The following CSGALNACT1 variants were observed in gnomAD, a reference collection of about 807,000 sequenced individuals.
CSGALNACT1 encodes the protein beta4GalNAcT-1.
A neutral mutation model predicts 51.0 loss-of-function variants in CSGALNACT1; 52 were observed. That is an observed-to-expected ratio of 1.02 (90% confidence interval 0.82 to 1.29). The LOEUF is 1.29. CSGALNACT1 is among the 50% of genes most tolerant of loss of function. The pLI is 0.00. For synonymous variants in CSGALNACT1, 341 were observed against 254.4 expected (o/e 1.34, Z -3.24); for missense variants, 935 against 679.2 (o/e 1.38, Z -4.19).
chr8:19,620,067 C>G (rs2053615101), intron 1 of CSGALNACT1, among the ~76,000 whole-genome samples: 1 of 152,132 alleles, frequency 6.6e-6, no homozygotes, highest in Admixed American at 6.5e-5. Flanking sequence ...AATCCCAACA[C>G]TTTGGAAGGC....
chr8:19,509,586 C>T (rs1324750358), intron 3 of CSGALNACT1, among the ~76,000 whole-genome samples: 1 of 135,216 alleles, frequency 7.4e-6, no homozygotes, highest in Non-Finnish European at 1.5e-5. Context: ...TGCACCACTG[C>T]ACTCCAGCCT....
intron 3 of CSGALNACT1, among the ~76,000 whole-genome samples, chr8:19,519,231 C>T (rs2154027801): frequency 6.6e-6 from 1 of 152,282 alleles, no homozygotes. Flanking sequence ...ATCCTTGGAC[C>T]TTCTCCATCA....
intron 1 of CSGALNACT1, among the ~76,000 whole-genome samples, chr8:19,658,454 C>G: frequency 6.6e-6 from 1 of 152,298 alleles, no homozygotes; most frequent in South Asian, 2.1e-4. Flanking sequence ...AAACAAGAGG[C>G]CGGGCATGGT....
At chr8:19,620,982 A>G (rs559344286) in intron 1 of CSGALNACT1, among the ~76,000 whole-genome samples, 5 of 152,208 alleles carry the variant, frequency 3.3e-5, no homozygotes, top group African/African-American at 4.8e-5. Context: ...CTGAAAAAAT[A>G]GAAACTTAAC....
At chr8:19,408,441 T>A (rs1468625441) in intron 9 of CSGALNACT1, among the ~76,000 whole-genome samples, 172 bp downstream of exon 8, 1 of 148,514 alleles carries the variant, frequency 6.7e-6, no homozygotes, top group Admixed American at 6.8e-5. Flanking sequence ...ATTACAGGTG[T>A]GAGCCACCGC....
chr8:19,548,463 T>A (rs990003162), intron 3 of CSGALNACT1, among the ~76,000 whole-genome samples: 4 of 152,168 alleles, frequency 2.6e-5, no homozygotes, highest in Non-Finnish European at 5.9e-5. Flanking sequence ...GTATTATTTT[T>A]AAAAAATATT....
At chr8:19,454,170 GACA>G (rs547189870) in intron 5 of CSGALNACT1, among the ~76,000 whole-genome samples, 234 of 152,300 alleles carry the variant, frequency 1.5e-3, no homozygotes, top group Non-Finnish European at 3.0e-3. Flanking sequence ...TGTCCACGAT[GACA>G]ACAAGTATAT....
intron 1 of CSGALNACT1, among the ~76,000 whole-genome samples, chr8:19,639,502 G>C (rs1406040473): frequency 6.6e-6 from 1 of 152,210 alleles, no homozygotes; most frequent in Non-Finnish European, 1.5e-5. Context: ...TGTGGAAACA[G>C]GTCTGTCACA....
chr8:19,455,921 A>G (rs146063119), intron 5 of CSGALNACT1, among the ~76,000 whole-genome samples: 3 of 152,272 alleles, frequency 2.0e-5, no homozygotes, highest in East Asian at 3.9e-4. Flanking sequence ...AGGCTCTCAA[A>G]ACATCCTCTC....
intron 1 of CSGALNACT1, among the ~76,000 whole-genome samples, chr8:19,723,416 G>A (rs75454576): frequency 0.022 from 3,363 of 152,314 alleles, 132 homozygotes; most frequent in African/African-American, 0.077. Context: ...TCACTTTCAC[G>A]TTATTCAAAT....
intron 1 of CSGALNACT1, among the ~76,000 whole-genome samples, chr8:19,611,397 T>C (rs2052236363): frequency 6.6e-6 from 1 of 152,220 alleles, no homozygotes; most frequent in African/African-American, 2.4e-5. Context: ...TCCTTCACAG[T>C]AGTAAAAATA....
intron 1 of CSGALNACT1, among the ~76,000 whole-genome samples, chr8:19,716,446 T>C (rs1029994746): frequency 6.6e-6 from 1 of 151,836 alleles, no homozygotes; most frequent in East Asian, 1.9e-4. Context: ...CATTTCTTCT[T>C]TGATAATACA....
chr8:19,535,313 C>T (rs1587979866), intron 3 of CSGALNACT1, among the ~76,000 whole-genome samples: 1 of 152,256 alleles, frequency 6.6e-6, no homozygotes, highest in African/African-American at 2.4e-5. Context: ...GATTCATCAT[C>T]CAAGATGTCC....
chr8:19,612,655 C>T (rs577391986), intron 1 of CSGALNACT1, among the ~76,000 whole-genome samples: 1 of 152,194 alleles, frequency 6.6e-6, no homozygotes, highest in Admixed American at 6.5e-5. Context: ...CACCCAGAAG[C>T]TCATTCCATT....
intron 1 of CSGALNACT1, among the ~76,000 whole-genome samples, chr8:19,672,300 C>G (rs2059854936): frequency 6.6e-6 from 1 of 152,074 alleles, no homozygotes; most frequent in South Asian, 2.1e-4. Flanking sequence ...AACACAGTAG[C>G]AGGAACAGAG....
rs113977124 is a variant in CSGALNACT1 at position 19,510,241 on chromosome 8, G to A, written c.-296-4111C>T. 8.6e-3 allele frequency among the ~76,000 whole-genome samples: 1,309 copies of A among 152,198 alleles called. 20 individuals carry two copies. Among genetic ancestry groups the A allele is most frequent in the African/African-American group, 0.029 (1,214 of 41,512 alleles). ...ATTAGAATGAAGGAGATATCCAAGC[G>A]CAATGCCTTTCCTGCCATTCTTACA... is the stretch of plus-strand genomic sequence containing the variant. On this transcript the variant is annotated intron_variant, in intron 3 of 9. Transcript: ENST00000454498.
chr8:19,722,722 T>C (rs1589697853), intron 1 of CSGALNACT1, among the ~76,000 whole-genome samples: 1 of 152,294 alleles, frequency 6.6e-6, no homozygotes, highest in East Asian at 1.9e-4. Context: ...GGCAGGGTCA[T>C]CCCTCGGAGA....
intron 4 of CSGALNACT1, among the ~76,000 whole-genome samples, chr8:19,467,622 G>A (rs933406917): frequency 1.3e-5 from 2 of 151,952 alleles, no homozygotes; most frequent in Non-Finnish European, 2.9e-5. Context: ...AAATGACCTG[G>A]TTAGTTTTTT....
At chr8:19,756,659 C>T (rs1022274883) in intron 1 of CSGALNACT1, among the ~76,000 whole-genome samples, 6 of 151,944 alleles carry the variant, frequency 3.9e-5, no homozygotes, top group South Asian at 4.2e-4. Flanking sequence ...GCAGCGGTGA[C>T]CCTCAGCCAC....
Sources: allele counts gnomAD v4.1 joint callset (sites outside exome capture counted in the v4.1 genomes callset), GRCh38; gene constraint gnomAD v4.1.1; transcripts MANE v1.5; gene names NCBI Gene and HGNC (gene_info 2026-07-23, HGNC 2026-07-21).